Variants in NRBF2 observed in about 807,000 individuals in gnomAD.
NRBF2 encodes nuclear receptor binding factor 2, also known as nuclear receptor-binding factor 2.
NRBF2 carries 12 observed loss-of-function variants against 28.5 expected under a neutral mutation model. The ratio of observed to expected loss-of-function variants is 0.42; its 90% CI spans 0.27 to 0.68. The LOEUF (loss-of-function observed/expected upper bound fraction) is 0.68. NRBF2 is among the 30% of genes least tolerant of loss of function. The pLI is 0.24. For synonymous variants in NRBF2, 102 were observed against 116.5 expected (o/e 0.88, Z 0.80); for missense variants, 274 against 333.5 (o/e 0.82, Z 1.39).
chr10:63,148,627 A>T (rs1841600269), intron 2 of NRBF2, among the ~76,000 whole-genome samples: 1 of 152,168 alleles, frequency 6.6e-6, no homozygotes, highest in Non-Finnish European at 1.5e-5. Context: ...AGACTAAAAA[A>T]CTTACCGTGA....
intron 1 of NRBF2, among the ~76,000 whole-genome samples, chr10:63,133,992 C>T (rs1439711218): frequency 1.5e-5 from 2 of 137,224 alleles, no homozygotes; most frequent in East Asian, 2.1e-4. Context: ...TCCCCCTCCT[C>T]ACCCTCCACT....
rs1564530695 is a variant in NRBF2 at position 63,146,259 on chromosome 10, CGA to C, written c.82_83del (p.Glu28ArgfsTer15). On this transcript the variant is annotated frameshift_variant, in exon 2 of 4. Coordinates refer to ENST00000277746, the MANE Select transcript of NRBF2 (RefSeq NM_030759.5). LOFTEE classifies it high-confidence loss of function. ...ACCGTTTATTAGCTGCAGGCAAATA[CGA>C]AGAGGCTATTTCTTGTCACAAAAAG... ...ADRLLAAGKY[E>X]EAISCHKKAA... 1 of 1,612,600 alleles carries C rather than the reference CGA, an allele frequency of 6.2e-7. No homozygotes were observed.
intron 3 of NRBF2, among the ~76,000 whole-genome samples, chr10:63,152,814 C>T (rs189656738): frequency 6.6e-6 from 1 of 152,216 alleles, no homozygotes; most frequent in Non-Finnish European, 1.5e-5. Flanking sequence ...CTTGGCAACA[C>T]AGTGAGACCC....
chr10:63,135,032 A>G (rs1271638904), intron 1 of NRBF2, among the ~76,000 whole-genome samples: 1 of 152,216 alleles, frequency 6.6e-6, no homozygotes, highest in Non-Finnish European at 1.5e-5. Context: ...TACAAAAAAT[A>G]CAAAAATAGC....
Position 63,154,019 on chromosome 10 carries a change from T to C in NRBF2, c.665T>C (p.Val222Ala), listed in dbSNP as rs768568853. 2 of 1,612,234 alleles carry C rather than the reference T, an allele frequency of 1.2e-6. No homozygotes were observed. Among genetic ancestry groups the C allele is most frequent in the South Asian group, 2.2e-5 (2 of 90,988 alleles). The change falls in exon 4 of 4, where the codon GTA becomes GCA. Residue 222 changes from valine (V) to alanine (A), a missense_variant. By Grantham distance (64) the Val-to-Ala change is moderately conservative. Coordinates refer to ENST00000277746, the MANE Select transcript of NRBF2 (RefSeq NM_030759.5). ...EKELDVDADF[V>A]ETSELWSLPP... Reference sequence around the variant, plus strand: ...GAGCTGGATGTAGATGCTGATTTTGTAGAAACGTCAGAGTTATGGAGCTTG... The same window carrying C: ...GAGCTGGATGTAGATGCTGATTTTGCAGAAACGTCAGAGTTATGGAGCTTG...
At chr10:63,137,457 A>G (rs1841393348) in intron 1 of NRBF2, among the ~76,000 whole-genome samples, 1 of 152,212 alleles carries the variant, frequency 6.6e-6, no homozygotes. Context: ...CTTAATTTAT[A>G]TGTGGCTGTT....
chr10:63,150,469 C>A, intron 2 of NRBF2: 1 of 484,428 alleles, frequency 2.1e-6, no homozygotes, highest in Non-Finnish European at 2.7e-6. Context: ...CCAGTCTAGT[C>A]TTGAACTCCT....
Position 63,133,589 on chromosome 10 carries a change from G to A in NRBF2, c.30+89G>A, listed in dbSNP as rs1841322641. ...CCCCGGCGCGTCGGCTAACCCTTTA[G>A]GCTGGGAGGTTGGTTTGGCAGGAGT... is the stretch of plus-strand genomic sequence containing the variant. On this transcript the variant is annotated intron_variant, in intron 1 of 3. Transcript: ENST00000277746. 6 of 1,017,306 alleles carry A rather than the reference G, an allele frequency of 5.9e-6. No individual in the cohort carries two copies. In the Admixed American group the frequency reaches 1.1e-4, roughly 19 times the overall value. The allele number at this position is 1,017,306 out of a possible 1,614,324, so 63.0% of individuals were successfully genotyped here. A position where few individuals can be genotyped will look rare whatever the true frequency, so the allele number is the denominator to read the frequency against.
intron 1 of NRBF2, among the ~76,000 whole-genome samples, chr10:63,133,747 AG>A (rs1198272347): frequency 1.3e-5 from 2 of 152,116 alleles, no homozygotes; most frequent in East Asian, 3.9e-4. Context: ...GCCCCGGGCG[AG>A]GGGATGCCAC....
intron 2 of NRBF2, among the ~76,000 whole-genome samples, 193 bp from the exon 3 acceptor site, chr10:63,151,957 A>G (rs1483912729): frequency 6.6e-6 from 1 of 152,230 alleles, no homozygotes; most frequent in Non-Finnish European, 1.5e-5. Flanking sequence ...AAGATAGGGT[A>G]GGGAATATTT....
intron 1 of NRBF2, among the ~76,000 whole-genome samples, chr10:63,145,733 A>G (rs904917987): frequency 6.6e-6 from 1 of 152,236 alleles, no homozygotes; most frequent in Non-Finnish European, 1.5e-5. Flanking sequence ...AGTAACTTTA[A>G]TGTTGAAAGA....
chr10:63,141,304 C>T (rs990067821), intron 1 of NRBF2, among the ~76,000 whole-genome samples: 1 of 152,036 alleles, frequency 6.6e-6, no homozygotes, highest in Admixed American at 6.6e-5. Context: ...GATGTGGTGC[C>T]GTGTGACTGT....
intron 2 of NRBF2, among the ~76,000 whole-genome samples, chr10:63,149,753 A>G (rs1011060124): frequency 6.6e-6 from 1 of 152,192 alleles, no homozygotes. Flanking sequence ...AAGGTTCTAC[A>G]AAGGGTGGCA....
At chr10:63,137,167 G>A (rs1330887737) in intron 1 of NRBF2, among the ~76,000 whole-genome samples, 1 of 152,128 alleles carries the variant, frequency 6.6e-6, no homozygotes, top group Non-Finnish European at 1.5e-5. Context: ...TGGAGATGGG[G>A]TCTTGCTGTG....
chr10:63,136,163 C>T (rs958475186), intron 1 of NRBF2, among the ~76,000 whole-genome samples: 3 of 144,036 alleles, frequency 2.1e-5, no homozygotes, highest in Non-Finnish European at 3.0e-5. Flanking sequence ...GACGGAGTCT[C>T]GCTTTGTCAC....
intron 1 of NRBF2, among the ~76,000 whole-genome samples, chr10:63,141,908 T>G (rs2132682610): frequency 6.6e-6 from 1 of 152,330 alleles, no homozygotes; most frequent in Middle Eastern, 3.4e-3. Flanking sequence ...AGTAATAATC[T>G]GAAACTATAA....
At chr10:63,144,649 C>A (rs2132686832) in intron 1 of NRBF2, among the ~76,000 whole-genome samples, 1 of 152,246 alleles carries the variant, frequency 6.6e-6, no homozygotes, top group South Asian at 2.1e-4. Flanking sequence ...ATCTCCTGAC[C>A]TTGTGATTTG....
At chr10:63,149,365 G>C (rs566828096) in intron 2 of NRBF2, among the ~76,000 whole-genome samples, 2 of 152,146 alleles carry the variant, frequency 1.3e-5, no homozygotes, top group African/African-American at 4.8e-5. Flanking sequence ...CACTGTGCCC[G>C]GCCCAATGTT....
chr10:63,141,408 C>G (rs1841464512), intron 1 of NRBF2, among the ~76,000 whole-genome samples: 1 of 152,200 alleles, frequency 6.6e-6, no homozygotes, highest in South Asian at 2.1e-4. Flanking sequence ...TCCACTCCAG[C>G]CTGGGCAACA....
Sources: gnomAD v4.1 joint callset for allele counts (sites outside exome capture counted in the v4.1 genomes callset) on GRCh38, gnomAD v4.1.1 for gene constraint, MANE v1.5 for transcripts, NCBI Gene and HGNC (gene_info 2026-07-23, HGNC 2026-07-21) for gene names.